The following TECTA variants were observed in gnomAD, a reference collection of about 807,000 sequenced individuals.
TECTA encodes the protein alpha-tectorin.
A neutral mutation model predicts 216.8 loss-of-function variants in TECTA; 128 were observed. That is an observed-to-expected ratio of 0.59 (90% confidence interval 0.51 to 0.68). The LOEUF is 0.68. Among genes scored for constraint, TECTA ranks in the 30% least tolerant of loss-of-function variants. The pLI is 0.00. For synonymous variants in TECTA, 1,089 were observed against 1,117.1 expected (o/e 0.97, Z 0.50); for missense variants, 2,551 against 2,786.2 (o/e 0.92, Z 1.90).
intron 7 of TECTA, among the ~76,000 whole-genome samples, chr11:121,121,218 G>A (rs1484609860): frequency 2.6e-5 from 4 of 152,198 alleles, no homozygotes; most frequent in Non-Finnish European, 5.9e-5. Context: ...ACAAAGCCTG[G>A]CACACAGTAG....
At chr11:121,135,447 G>T (rs186827268) in intron 10 of TECTA, among the ~76,000 whole-genome samples, 1 of 152,310 alleles carries the variant, frequency 6.6e-6, no homozygotes, top group East Asian at 1.9e-4. Context: ...CCATAAATCT[G>T]CAGTCAGTGT....
Position 121,125,377 on chromosome 11 carries a change from A to G in TECTA, c.1279A>G (p.Thr427Ala). 1 of 1,614,202 alleles carries G rather than the reference A, an allele frequency of 6.2e-7. No homozygotes were observed. Among genetic ancestry groups the G allele is most frequent in the Non-Finnish European group, 8.5e-7 (1 of 1,180,048 alleles). The change falls in exon 8 of 24, where the codon ACT (threonine) becomes GCT (alanine). Residue 427 changes from threonine (T) to alanine (A), a missense_variant. Physicochemically the swap from Thr to Ala is moderately conservative, Grantham distance 58. Coordinates refer to ENST00000392793, the MANE Select transcript of TECTA (RefSeq NM_005422.4). ...GAAAATCTACCAGAGTGGCATATCT[A>G]CTGCCGTGGAAACAGATTTTGGGCT... ...TVKIYQSGISTAVETDFGLLV... is the reference protein window; with the variant it reads ...TVKIYQSGISAAVETDFGLLV...
At position 121,125,467 on chromosome 11, in the gene TECTA, A is replaced by AC. The variant is rs1312217742; in HGVS notation, c.1371dup (p.Cys458LeufsTer8). 1.2e-6 allele frequency: 2 copies of AC among 1,613,980 alleles called. No homozygotes were observed. Among genetic ancestry groups the AC allele is most frequent in the African/African-American group, 2.7e-5 (2 of 74,980 alleles). ...CGTCCCAGGCTCCTATATAAACTCCACCTGTGGACTCTGTGGAAACTATAA... is the reference window on the plus strand; with the variant it reads ...CGTCCCAGGCTCCTATATAAACTCCACCCTGTGGACTCTGTGGAAACTATAA... On this transcript the variant is annotated frameshift_variant, in exon 8 of 24. Coordinates refer to ENST00000392793, the MANE Select transcript of TECTA (RefSeq NM_005422.4). LOFTEE classifies it high-confidence loss of function.
intron 11 of TECTA, among the ~76,000 whole-genome samples, chr11:121,144,597 C>A (rs1002266414): frequency 3.9e-5 from 6 of 152,188 alleles, no homozygotes; most frequent in Non-Finnish European, 2.9e-5. Flanking sequence ...ACTAACCCAG[C>A]CACAGGCTAT....
At position 121,130,187 on chromosome 11, in the gene TECTA, C is replaced by T; in HGVS notation, c.2917C>T (p.Pro973Ser). The change falls in exon 10 of 24, where the codon CCC becomes TCC. Residue 973 changes from proline (P) to serine (S), a missense_variant. Pro to Ser is a moderately conservative substitution (Grantham distance 74). Coordinates refer to ENST00000392793, the MANE Select transcript of TECTA (RefSeq NM_005422.4). ...CAAGAATGCGGACGTGGAGGTGGGG[C>T]CCTGGCGGACCTATGACTTCTGCCG... ...ACKNADVEVG[P>S]WRTYDFCPLE... 6.2e-7 allele frequency: 1 copy of T among 1,601,306 alleles called. No individual in the cohort carries two copies. The highest frequency in any genetic ancestry group is 8.5e-7 in the Non-Finnish European group (1 of 1,179,940).
chr11:121,116,151 C>A (rs1946499253), intron 6 of TECTA, among the ~76,000 whole-genome samples: 1 of 152,158 alleles, frequency 6.6e-6, no homozygotes, highest in Non-Finnish European at 1.5e-5. Flanking sequence ...TGTTTTGCAG[C>A]TAAGCTGGTA....
At chr11:121,153,101 CT>C in intron 13 of TECTA, 21 bp downstream of exon 13, 1 of 1,604,142 alleles carries the variant, frequency 6.2e-7, no homozygotes, top group Admixed American at 1.7e-5. Flanking sequence ...CCAGCCCGGC[CT>C]TTTCCTCCTT....
Position 121,118,689 on chromosome 11 carries a change from A to G in TECTA, c.1174A>G (p.Ile392Val). The change falls in exon 7 of 24, where the codon ATC (isoleucine) becomes GTC (valine). Residue 392 changes from isoleucine to valine, a missense_variant. By Grantham distance (29) the Ile-to-Val change is conservative (BLOSUM62 3). Transcript: ENST00000392793. The part of the protein sequence containing the change: ...SVEVNGYKIL[I>V]PKGSYGRVKV... ...GGAGGTGAATGGCTACAAGATTCTCATCCCCAAAGGAAGCTATGGAAGAGT... is the reference window on the plus strand; with the variant it reads ...GGAGGTGAATGGCTACAAGATTCTCGTCCCCAAAGGAAGCTATGGAAGAGT... 6.2e-7 allele frequency: 1 copy of G among 1,613,942 alleles called. No homozygotes were observed. Among genetic ancestry groups the G allele is most frequent in the Non-Finnish European group, 8.5e-7 (1 of 1,180,028 alleles).
rs910429859 is a variant in TECTA at position 121,145,579 on chromosome 11, C to T, written c.3568C>T (p.Pro1190Ser). ...VLVNSERLYL[P>S]LKLGQGKINI... Reference sequence around the variant, plus strand: ...GGTCAACAGTGAACGGCTCTATCTGCCCCTGAAGCTGGGGCAAGGGAAGAT... The same window carrying T: ...GGTCAACAGTGAACGGCTCTATCTGTCCCTGAAGCTGGGGCAAGGGAAGAT... The change falls in exon 12 of 24, where the codon CCC becomes TCC. Residue 1190 changes from proline (P) to serine (S), a missense_variant. By Grantham distance (74) the Pro-to-Ser change is moderately conservative (BLOSUM62 -1). This residue lies in a region of TECTA where 2,375 missense variants were observed against 2,563.9 expected (regional missense o/e 0.93). Transcript: ENST00000392793. The T allele has an allele frequency of 6.2e-7, 1 of 1,614,106 alleles. No individual in the cohort carries two copies. The highest frequency in any genetic ancestry group is 2.2e-5 in the East Asian group (1 of 44,900).
intron 10 of TECTA, among the ~76,000 whole-genome samples, chr11:121,134,325 CCA>C (rs6144537): frequency 4.9e-4 from 72 of 146,874 alleles, no homozygotes; most frequent in African/African-American, 1.1e-3. Flanking sequence ...AAAACCAACA[CCA>C]CACACACACA....
At chr11:121,188,479 C>T (rs1280672394) in intron 21 of TECTA, among the ~76,000 whole-genome samples, 2 of 152,182 alleles carry the variant, frequency 1.3e-5, no homozygotes, top group Admixed American at 6.5e-5. Context: ...CACTATAGAA[C>T]CAAACTCTTG....
At position 121,118,396 on chromosome 11, in the gene TECTA, G is replaced by T; in HGVS notation, c.881G>T (p.Cys294Phe). ...RCLDFNNEIY[C>F]QEASCSPYEV... Reference sequence around the variant, plus strand: ...CTGGATTTCAACAATGAGATCTACTGCCAGGAGGCTTCCTGTAGCCCCTAC... The same window carrying T: ...CTGGATTTCAACAATGAGATCTACTTCCAGGAGGCTTCCTGTAGCCCCTAC... The change falls in exon 7 of 24, where the codon TGC (cysteine) becomes TTC (phenylalanine). Residue 294 changes from cysteine to phenylalanine, a missense_variant. By Grantham distance (205) the Cys-to-Phe change is radical. Coordinates refer to ENST00000392793, the MANE Select transcript of TECTA (RefSeq NM_005422.4). 6.2e-7 allele frequency: 1 copy of T among 1,614,130 alleles called. No individual in the cohort carries two copies. Among genetic ancestry groups the T allele is most frequent in the Non-Finnish European group, 8.5e-7 (1 of 1,180,026 alleles).
At chr11:121,118,751 G>A (rs747274590) in intron 7 of TECTA, 33 bp downstream of exon 7, 2 of 1,610,936 alleles carry the variant, frequency 1.2e-6, no homozygotes, top group South Asian at 1.1e-5. Context: ...CGGGGAAATG[G>A]AGAAGCTGGA....
rs187106046 is a variant in TECTA at position 121,179,954 on chromosome 11, T to G, written c.6000-7878T>G. On this transcript the variant is annotated intron_variant, in intron 20 of 23. Transcript: ENST00000392793. ...TTCTTGTAGGCAGCATATATTTGAG[T>G]TTTTTTTGTTTGTTTGTTTGTTTTT... Among the ~76,000 whole-genome samples, 428 of 150,276 alleles carry G rather than the reference T, an allele frequency of 2.8e-3. 13 individuals carry two copies. The highest frequency in any genetic ancestry group is 0.024 in the Admixed American group (365 of 14,954).
At chr11:121,150,807 G>A (rs944537842) in intron 12 of TECTA, among the ~76,000 whole-genome samples, 67 of 152,012 alleles carry the variant, frequency 4.4e-4, no homozygotes, top group African/African-American at 1.5e-3. Context: ...CACCATGCCT[G>A]GCTAATTTTT....
chr11:121,180,410 T>G (rs548065723), intron 20 of TECTA, among the ~76,000 whole-genome samples: 10 of 145,538 alleles, frequency 6.9e-5, no homozygotes, highest in East Asian at 3.9e-4. Context: ...GATTAGCAGG[T>G]TTTTTTTATT....
chr11:121,132,139 G>A (rs142969011), intron 10 of TECTA, among the ~76,000 whole-genome samples: 1 of 152,062 alleles, frequency 6.6e-6, no homozygotes, highest in Non-Finnish European at 1.5e-5. Flanking sequence ...TTGTGAAATG[G>A]CAATTTTTTT....
chr11:121,184,921 A>G (rs1199495303), intron 20 of TECTA, among the ~76,000 whole-genome samples: 1 of 152,184 alleles, frequency 6.6e-6, no homozygotes, highest in African/African-American at 2.4e-5. Flanking sequence ...CCTTTTGTCC[A>G]TGTTTCTTCC....
intron 13 of TECTA, among the ~76,000 whole-genome samples, chr11:121,154,842 T>C (rs1004077052): frequency 1.3e-5 from 2 of 152,198 alleles, no homozygotes; most frequent in Non-Finnish European, 2.9e-5. Flanking sequence ...CTATTGTTAT[T>C]GTTGTTTTGT....
Sources: gnomAD v4.1 joint callset for allele counts (sites outside exome capture counted in the v4.1 genomes callset) on GRCh38, gnomAD v4.1.1 for gene constraint, gnomAD v4.1.1 regional missense constraint, MANE v1.5 for transcripts, NCBI Gene and HGNC (gene_info 2026-07-23, HGNC 2026-07-21) for gene names.